Variants in ADCY9 observed in about 807,000 individuals in gnomAD.
The protein encoded by ADCY9 is adenylate cyclase type 9.
ADCY9 carries 50 observed loss-of-function variants against 101.5 expected under a neutral mutation model. The observed-to-expected ratio is 0.49, with a 90% CI of 0.39 to 0.62. The LOEUF is 0.62. Ranked by LOEUF, ADCY9 falls within the 20% of genes least tolerant of loss-of-function variation. The pLI is 0.00. For missense variants in ADCY9, 1,662 were observed against 1,800.4 expected, an observed-to-expected ratio of 0.92 and a Z score of 1.39; for synonymous variants, 905 against 769.3, an observed-to-expected ratio of 1.18 and a Z score of -2.92.
chr16:3,977,001 A>G (rs1244728304), intron 9 of ADCY9, among the ~76,000 whole-genome samples: 2 of 152,188 alleles, frequency 1.3e-5, no homozygotes, highest in African/African-American at 4.8e-5. Flanking sequence ...TTGCAAGATC[A>G]TCCTACGTCT....
chr16:4,075,759 C>A (rs987327476), intron 2 of ADCY9, among the ~76,000 whole-genome samples: 6 of 151,960 alleles, frequency 3.9e-5, no homozygotes, highest in Admixed American at 1.3e-4. Context: ...GGGGGCCAGG[C>A]GGGAGGGCTC....
intron 2 of ADCY9, among the ~76,000 whole-genome samples, chr16:4,106,164 A>C (rs2057075665): frequency 2.0e-5 from 3 of 152,180 alleles, no homozygotes; most frequent in Admixed American, 2.0e-4. Flanking sequence ...TGAGACAAAA[A>C]ACCTGATTTC....
At chr16:4,077,905 G>A (rs538688328) in intron 2 of ADCY9, among the ~76,000 whole-genome samples, 44 of 125,406 alleles carry the variant, frequency 3.5e-4, no homozygotes, top group African/African-American at 1.1e-3. Context: ...GGGAGTCTTC[G>A]GCAGAATTGC....
At chr16:4,010,442 G>A (rs976352578) in intron 2 of ADCY9, among the ~76,000 whole-genome samples, 1 of 152,232 alleles carries the variant, frequency 6.6e-6, no homozygotes, top group Admixed American at 6.5e-5. Flanking sequence ...CACAAGCTGG[G>A]CACGTGCCTC....
At chr16:4,107,280 G>C (rs2057083141) in intron 2 of ADCY9, among the ~76,000 whole-genome samples, 1 of 152,172 alleles carries the variant, frequency 6.6e-6, no homozygotes, top group South Asian at 2.1e-4. Flanking sequence ...GCTGGGCGTG[G>C]TGGCTCACGC....
At chr16:4,017,914 C>T (rs567730215) in intron 2 of ADCY9, among the ~76,000 whole-genome samples, 7 of 152,264 alleles carry the variant, frequency 4.6e-5, no homozygotes, top group Non-Finnish European at 1.0e-4. Flanking sequence ...ACACACTTCT[C>T]CTGCAGCAGG....
chr16:4,108,481 C>T (rs1234574889), intron 2 of ADCY9, among the ~76,000 whole-genome samples: 1 of 137,660 alleles, frequency 7.3e-6, no homozygotes, highest in Non-Finnish European at 1.5e-5. Context: ...TCGAACGATT[C>T]TCCTGCCTCA....
At chr16:4,098,605 T>C (rs966449893) in intron 2 of ADCY9, among the ~76,000 whole-genome samples, 1 of 152,198 alleles carries the variant, frequency 6.6e-6, no homozygotes, top group East Asian at 1.9e-4. Context: ...TGCCTGGCTA[T>C]ATTCCCAGCA....
intron 2 of ADCY9, among the ~76,000 whole-genome samples, chr16:4,010,581 AT>A (rs2056397352): frequency 6.6e-6 from 1 of 152,136 alleles, no homozygotes; most frequent in African/African-American, 2.4e-5. Context: ...ATGTGTGACT[AT>A]TTTGGCCGAG....
Position 4,090,908 on chromosome 16 carries a change from A to G in ADCY9, c.1693+22842T>C, listed in dbSNP as rs765303725. On this transcript the variant is annotated intron_variant, in intron 2 of 10. Transcript: ENST00000294016. Reference sequence around the variant, plus strand: ...TAATTTTTATCCTAATCACAAAACTATTCCGAATGGTAGTGAACAAAGTAA... The same window carrying G: ...TAATTTTTATCCTAATCACAAAACTGTTCCGAATGGTAGTGAACAAAGTAA... Among the ~76,000 whole-genome samples the G allele has an allele frequency of 4.8e-4, 73 of 152,044 alleles. 1 individual carries two copies. Among genetic ancestry groups the G allele is most frequent in the Non-Finnish European group, 8.5e-4 (58 of 67,938 alleles).
At chr16:4,058,813 A>G (rs2056757104) in intron 2 of ADCY9, among the ~76,000 whole-genome samples, 1 of 152,194 alleles carries the variant, frequency 6.6e-6, no homozygotes, top group African/African-American at 2.4e-5. Flanking sequence ...AGGGCTCCTC[A>G]TCTCCTGATT....
Position 4,114,597 on chromosome 16 carries a change from C to T in ADCY9, c.846G>A (p.Leu282=). Residue 282 remains leucine (L), a synonymous_variant, in exon 2 of 11, where the codon CTG becomes CTA. Transcript: ENST00000294016. The surrounding 1 kb of genome is among the most constrained non-coding windows in gnomAD (Gnocchi z 4.3). ...PGAGALHWEL[L]SRGLLHGCIH... is the part of the protein sequence containing the mutation. ...TGCAGCCGTGGAGCAGCCCCCTGCT[C>T]AGCAGCTCCCAGTGCAGGGCCCCGG... 2 of 1,613,840 alleles carry T rather than the reference C, an allele frequency of 1.2e-6. No homozygotes were observed. Among genetic ancestry groups the T allele is most frequent in the Admixed American group, 3.3e-5 (2 of 60,034 alleles).
chr16:3,982,289 C>A (rs1299931751), intron 7 of ADCY9: 2 of 152,348 alleles, frequency 1.3e-5, no homozygotes, highest in African/African-American at 4.8e-5. Context: ...GACTCAAAGC[C>A]ATTCATTTCT....
At chr16:4,087,396 T>G (rs936378088) in intron 2 of ADCY9, among the ~76,000 whole-genome samples, 9 of 151,664 alleles carry the variant, frequency 5.9e-5, no homozygotes, top group Admixed American at 3.3e-4. Context: ...ATTAGCCACA[T>G]GTGGTGGCAC....
Position 4,075,562 on chromosome 16 carries a change from G to A in ADCY9, c.1693+38188C>T, listed in dbSNP as rs889206890. The stretch of plus-strand genomic sequence containing the variant: ...GATGTACTGGCAAGAAATGTACCCG[G>A]TCCCATGTGTGCAATCTGTCAACAT... On this transcript the variant is annotated intron_variant, in intron 2 of 10. Transcript: ENST00000294016. Among the ~76,000 whole-genome samples, 19 of 152,298 alleles carry A rather than the reference G, an allele frequency of 1.2e-4. No homozygotes were observed. The East Asian group carries it at 3.7e-3, about 29-fold the overall frequency.
intron 2 of ADCY9, among the ~76,000 whole-genome samples, chr16:4,081,271 G>A (rs536104575): frequency 6.6e-6 from 1 of 152,314 alleles, no homozygotes; most frequent in South Asian, 2.1e-4. Context: ...ACAGCAGGGA[G>A]AAGGTTGCAC....
intron 2 of ADCY9, among the ~76,000 whole-genome samples, chr16:4,036,843 C>G (rs1239025605): frequency 6.6e-6 from 1 of 152,002 alleles, no homozygotes; most frequent in Non-Finnish European, 1.5e-5. Flanking sequence ...CTTATTCCTT[C>G]TACGTTACTG....
intron 3 of ADCY9, among the ~76,000 whole-genome samples, chr16:4,002,605 C>T (rs1429136516): frequency 4.6e-5 from 7 of 152,210 alleles, no homozygotes; most frequent in African/African-American, 1.7e-4. Context: ...CTCAGGAAGA[C>T]CAGCCACGCA....
rs570771367 is a variant in ADCY9 at position 4,021,655 on chromosome 16, T to C, written c.1694-14097A>G. On this transcript the variant is annotated intron_variant, in intron 2 of 10. Coordinates refer to ENST00000294016, the MANE Select transcript of ADCY9 (RefSeq NM_001116.4). ...ACCCCCTGCAGCTGACTCATCTGCA[T>C]ACTGAGACTTCCTGACACAAATGGA... Among the ~76,000 whole-genome samples, 200 of 152,336 alleles carry C rather than the reference T, an allele frequency of 1.3e-3. 8 individuals carry two copies. In the South Asian group the frequency reaches 0.04, roughly 31 times the overall value.
Sources: gnomAD v4.1 joint callset for allele counts (sites outside exome capture counted in the v4.1 genomes callset) on GRCh38, gnomAD v4.1.1 for gene constraint, Gnocchi (gnomAD v3.1) non-coding constraint, MANE v1.5 for transcripts, NCBI Gene and HGNC (gene_info 2026-07-23, HGNC 2026-07-21) for gene names.